The following ARHGAP42 variants were observed in gnomAD, a reference collection of about 807,000 sequenced individuals.
ARHGAP42 encodes the protein rho GTPase-activating protein 42.
Under a neutral mutation model 125.0 loss-of-function variants are expected in ARHGAP42, and 63 were observed. The ratio of observed to expected loss-of-function variants is 0.50; its 90% CI spans 0.41 to 0.62. The LOEUF is 0.62. ARHGAP42 is among the 20% of genes least tolerant of loss of function. The pLI is 0.00. For missense variants in ARHGAP42, 766 were observed against 1,024.2 expected (o/e 0.75, Z 3.44); for synonymous variants, 339 against 351.0 (o/e 0.97, Z 0.38).
rs1314487292 is a variant in ARHGAP42 at position 100,748,588 on chromosome 11, G to C, written c.155-21755G>C. Among the ~76,000 whole-genome samples the C allele has an allele frequency of 1.0e-4, 15 of 147,186 alleles. No individual in the cohort carries two copies. In the South Asian group the frequency reaches 3.2e-3, roughly 31 times the overall value. ...TTTTGTTTTTGTTTTTTTTGACTTA[G>C]GATAGTGCTGACCTGATGAGGTGTG... On this transcript the variant is annotated intron_variant, in intron 1 of 23. Coordinates refer to ENST00000298815, the MANE Select transcript of ARHGAP42 (RefSeq NM_152432.4).
rs149884765 is a variant in ARHGAP42 at position 100,758,948 on chromosome 11, C to A, written c.155-11395C>A. Among the ~76,000 whole-genome samples the A allele has an allele frequency of 2.6e-3, 396 of 152,070 alleles. 1 individual carries two copies. The highest frequency in any genetic ancestry group is 9.2e-3 in the African/African-American group (382 of 41,486). On this transcript the variant is annotated intron_variant, in intron 1 of 23. Coordinates refer to ENST00000298815, the MANE Select transcript of ARHGAP42 (RefSeq NM_152432.4). ...AGAAGGTTATGCAAAGAAATAGAAG[C>A]CCATGACAGCCTTTTCTTTAATGAT...
intron 12 of ARHGAP42, among the ~76,000 whole-genome samples, chr11:100,956,547 A>G (rs548980657): frequency 6.6e-6 from 1 of 152,216 alleles, no homozygotes; most frequent in South Asian, 2.1e-4. Context: ...TTCATATTTC[A>G]TTGTTAATGT....
At chr11:100,771,177 G>T (rs17095438) in intron 2 of ARHGAP42, among the ~76,000 whole-genome samples, 39,306 of 152,018 alleles carry the variant, frequency 0.26, 5,312 homozygotes, top group Non-Finnish European at 0.29. Context: ...ACATTACTGC[G>T]GATCAGGAGA....
chr11:100,736,584 T>A (rs1234619529), intron 1 of ARHGAP42, among the ~76,000 whole-genome samples: 1 of 152,184 alleles, frequency 6.6e-6, no homozygotes, highest in Non-Finnish European at 1.5e-5. Flanking sequence ...CCAAACACTG[T>A]CTTTCTCTCT....
intron 1 of ARHGAP42, among the ~76,000 whole-genome samples, chr11:100,758,435 G>A (rs1462374923): frequency 6.6e-6 from 1 of 150,828 alleles, no homozygotes; most frequent in South Asian, 2.1e-4. Context: ...AGATGAAAAT[G>A]CACTTAAGTA....
intron 1 of ARHGAP42, among the ~76,000 whole-genome samples, chr11:100,751,010 C>T (rs1862437896): frequency 6.8e-6 from 1 of 147,618 alleles, no homozygotes; most frequent in Non-Finnish European, 1.5e-5. Context: ...ATGATCTTGG[C>T]TCACTGCAAC....
At chr11:100,768,821 A>G (rs1323770185) in intron 1 of ARHGAP42, among the ~76,000 whole-genome samples, 1 of 152,258 alleles carries the variant, frequency 6.6e-6, no homozygotes, top group African/African-American at 2.4e-5. Flanking sequence ...ATATTAACTC[A>G]TATAATCCTC....
intron 10 of ARHGAP42, among the ~76,000 whole-genome samples, chr11:100,945,716 A>G (rs1169904596): frequency 6.6e-6 from 1 of 152,102 alleles, no homozygotes; most frequent in Non-Finnish European, 1.5e-5. Context: ...GGCTTAAAAT[A>G]TTCAGTAAAC....
At chr11:100,846,378 T>C (rs1223484484) in intron 3 of ARHGAP42, among the ~76,000 whole-genome samples, 1 of 152,132 alleles carries the variant, frequency 6.6e-6, no homozygotes, top group Non-Finnish European at 1.5e-5. Flanking sequence ...GAAACTGATA[T>C]ATGAATAGGA....
chr11:100,838,986 T>G (rs746811801), intron 3 of ARHGAP42, among the ~76,000 whole-genome samples: 23 of 152,158 alleles, frequency 1.5e-4, no homozygotes, highest in Non-Finnish European at 3.1e-4. Context: ...ATAACTTTTT[T>G]TTTTTAGGAC....
chr11:100,876,385 G>A (rs1380479267), intron 4 of ARHGAP42, among the ~76,000 whole-genome samples: 1 of 152,024 alleles, frequency 6.6e-6, no homozygotes, highest in Non-Finnish European at 1.5e-5. Context: ...TCTGTAGTTG[G>A]ACGTATTTAA....
At chr11:100,716,718 T>G (rs959207854) in intron 1 of ARHGAP42, among the ~76,000 whole-genome samples, 1 of 152,162 alleles carries the variant, frequency 6.6e-6, no homozygotes, top group Non-Finnish European at 1.5e-5. Context: ...TAGGCAAGTC[T>G]GCAAAAAAGA....
intron 16 of ARHGAP42, among the ~76,000 whole-genome samples, chr11:100,962,851 G>C (rs550853434): frequency 6.6e-6 from 1 of 151,968 alleles, no homozygotes; most frequent in Admixed American, 6.6e-5. Context: ...ACTCCAGCCT[G>C]GGCAACAAGA....
intron 4 of ARHGAP42, among the ~76,000 whole-genome samples, chr11:100,887,054 G>T (rs1164971834): frequency 6.6e-6 from 1 of 152,056 alleles, no homozygotes; most frequent in Non-Finnish European, 1.5e-5. Flanking sequence ...CAGTACTCAG[G>T]ATGGTACAGT....
intron 4 of ARHGAP42, among the ~76,000 whole-genome samples, chr11:100,896,216 C>T (rs1866358233): frequency 6.6e-6 from 1 of 151,090 alleles, no homozygotes; most frequent in Admixed American, 6.6e-5. Flanking sequence ...TGTATGTGTG[C>T]CACATTTTCT....
In ARHGAP42 at chr11:100,787,165, C is replaced by G. The variant is rs564189331; in HGVS notation, c.251-7940C>G. Among the ~76,000 whole-genome samples, 32 of 151,898 alleles carry G rather than the reference C, an allele frequency of 2.1e-4. 1 individual carries two copies. The highest frequency in any genetic ancestry group is 7.2e-4 in the African/African-American group (30 of 41,420). On this transcript the variant is annotated intron_variant, in intron 2 of 23. Transcript: ENST00000298815. ...TGGTGGTGGGCGCCTGTAGTCCCAGCTACTCAGGAGGCTGAGGCAAGAGAA... is the reference window on the plus strand; with the variant it reads ...TGGTGGTGGGCGCCTGTAGTCCCAGGTACTCAGGAGGCTGAGGCAAGAGAA...
At chr11:100,826,712 G>T (rs1418424919) in intron 3 of ARHGAP42, among the ~76,000 whole-genome samples, 1 of 152,026 alleles carries the variant, frequency 6.6e-6, no homozygotes, top group East Asian at 1.9e-4. Flanking sequence ...TAAATTTGGG[G>T]ACTCCTCAGG....
intron 3 of ARHGAP42, among the ~76,000 whole-genome samples, chr11:100,833,835 G>C (rs1003466407): frequency 6.6e-6 from 1 of 152,172 alleles, no homozygotes. Flanking sequence ...GGGAAATTGG[G>C]CTGTACCTCT....
chr11:100,910,560 C>T (rs1301554601), intron 4 of ARHGAP42, among the ~76,000 whole-genome samples: 1 of 151,816 alleles, frequency 6.6e-6, no homozygotes, highest in East Asian at 1.9e-4. Context: ...TTAAGCAGCG[C>T]TTATTTCAGA....
Sources: gnomAD v4.1 joint callset for allele counts (sites outside exome capture counted in the v4.1 genomes callset) on GRCh38, gnomAD v4.1.1 for gene constraint, MANE v1.5 for transcripts, NCBI Gene and HGNC (gene_info 2026-07-23, HGNC 2026-07-21) for gene names.